Variants in CLIC5 observed in about 807,000 individuals in gnomAD.
CLIC5 encodes chloride intracellular channel protein 5.
Under a neutral mutation model 24.7 loss-of-function variants are expected in CLIC5, and 20 were observed. The observed-to-expected ratio is 0.81, with a 90% confidence interval of 0.57 to 1.18. The LOEUF (loss-of-function observed/expected upper bound fraction) is 1.18, where lower values mean the gene tolerates loss of function less well. Among genes scored for constraint, CLIC5 ranks in the 50% most tolerant of loss-of-function variants. The pLI is 0.00. For missense variants in CLIC5, 341 were observed against 326.1 expected (o/e 1.05, Z -0.35); for synonymous variants, 159 against 135.6 (o/e 1.17, Z -1.20).
chr6:46,113,546 T>C, the CLIC5 span, among the ~76,000 whole-genome samples: 1 of 152,170 alleles, frequency 6.6e-6, no homozygotes, highest in Non-Finnish European at 1.5e-5. Flanking sequence ...AGCAGTTATA[T>C]GACACCGGCC....
intron 1 of CLIC5, among the ~76,000 whole-genome samples, chr6:45,969,855 G>A (rs564686677): frequency 1.5e-4 from 20 of 135,832 alleles, no homozygotes; most frequent in Admixed American, 5.8e-4. Flanking sequence ...AAGACAGAAA[G>A]CCACACTCCT....
the CLIC5 span, among the ~76,000 whole-genome samples, chr6:46,114,576 G>A: frequency 6.6e-6 from 1 of 152,138 alleles, no homozygotes; most frequent in Non-Finnish European, 1.5e-5. Flanking sequence ...CTCTGATCCT[G>A]TGTAGCATGT....
the CLIC5 span, among the ~76,000 whole-genome samples, chr6:46,105,956 C>A: frequency 9.2e-5 from 14 of 152,152 alleles, no homozygotes; most frequent in Non-Finnish European, 1.6e-4. Context: ...GAGTGCTCAC[C>A]ACAGAGGGAT....
At chr6:46,062,525 C>T (rs1213020410) in intron 1 of CLIC5, among the ~76,000 whole-genome samples, 1 of 152,324 alleles carries the variant, frequency 6.6e-6, no homozygotes, top group East Asian at 1.9e-4. Context: ...CCCCCAGGCT[C>T]GTGAAGGGAG....
chr6:45,947,470 C>G (rs898548664), intron 3 of CLIC5, among the ~76,000 whole-genome samples: 1 of 152,070 alleles, frequency 6.6e-6, no homozygotes, highest in African/African-American at 2.4e-5. Context: ...TGTACCCCAG[C>G]CCCTCACCCC....
At chr6:45,908,871 G>A (rs1220981909) in intron 5 of CLIC5, among the ~76,000 whole-genome samples, 1 of 152,132 alleles carries the variant, frequency 6.6e-6, no homozygotes, top group Non-Finnish European at 1.5e-5. Flanking sequence ...TTAGTGAGTT[G>A]TTGAAGTCCC....
At chr6:46,044,949 C>T (rs974698411) in intron 1 of CLIC5, among the ~76,000 whole-genome samples, 3 of 152,048 alleles carry the variant, frequency 2.0e-5, no homozygotes, top group Admixed American at 6.6e-5. Context: ...TGTTTGAGGC[C>T]TTCATTCTTG....
At chr6:46,094,043 A>C in the CLIC5 span, among the ~76,000 whole-genome samples, 1 of 152,170 alleles carries the variant, frequency 6.6e-6, no homozygotes, top group East Asian at 1.9e-4. Flanking sequence ...CATGGCAGGG[A>C]AAGTACCAAA....
At chr6:45,974,544 G>T (rs1169855040) in intron 1 of CLIC5, among the ~76,000 whole-genome samples, 10 of 143,584 alleles carry the variant, frequency 7.0e-5, no homozygotes, top group South Asian at 4.7e-4. Flanking sequence ...GAGAGAGAGA[G>T]AGAGAGAGAG....
At chr6:46,004,826 C>G (rs1182413721) in intron 1 of CLIC5, among the ~76,000 whole-genome samples, 1 of 152,170 alleles carries the variant, frequency 6.6e-6, no homozygotes, top group African/African-American at 2.4e-5. Context: ...CTGCCCAGAA[C>G]CTTCAATTCC....
chr6:46,117,916 G>A, the CLIC5 span, among the ~76,000 whole-genome samples: 5 of 152,076 alleles, frequency 3.3e-5, no homozygotes, highest in Non-Finnish European at 7.4e-5. Flanking sequence ...TTAACAAAGG[G>A]TGTATTCTGG....
chr6:46,055,944 G>A (rs1274903339), intron 1 of CLIC5, among the ~76,000 whole-genome samples: 1 of 152,168 alleles, frequency 6.6e-6, no homozygotes, highest in African/African-American at 2.4e-5. Flanking sequence ...GGTGAATGGG[G>A]AGTGACTGTT....
intron 6 of CLIC5, among the ~76,000 whole-genome samples, chr6:45,885,225 A>G (rs908751776): frequency 7.2e-5 from 11 of 152,078 alleles, no homozygotes; most frequent in Non-Finnish European, 1.5e-4. Flanking sequence ...TTCAAAAGCG[A>G]TCTCACAGAG....
At chr6:45,952,664 A>T (rs1764510941) in intron 2 of CLIC5, among the ~76,000 whole-genome samples, 1 of 152,182 alleles carries the variant, frequency 6.6e-6, no homozygotes, top group Non-Finnish European at 1.5e-5. Flanking sequence ...AAGTTTCCTT[A>T]TCTGTAAAAA....
chr6:45,916,070 C>T (rs1763019769), intron 4 of CLIC5, among the ~76,000 whole-genome samples: 1 of 152,228 alleles, frequency 6.6e-6, no homozygotes, highest in African/African-American at 2.4e-5. Flanking sequence ...CCACTCCTCT[C>T]ATAACCCACT....
chr6:46,116,572 T>C, the CLIC5 span, among the ~76,000 whole-genome samples: 2 of 152,198 alleles, frequency 1.3e-5, no homozygotes, highest in Admixed American at 1.3e-4. Context: ...ATCTGACACA[T>C]GTTAAGTGTT....
At chr6:46,065,103 G>A (rs902078561) in intron 1 of CLIC5, among the ~76,000 whole-genome samples, 1 of 152,038 alleles carries the variant, frequency 6.6e-6, no homozygotes, top group African/African-American at 2.4e-5. Context: ...AAAATAATAA[G>A]CAAAATATTT....
At chr6:46,108,313 T>C in the CLIC5 span, among the ~76,000 whole-genome samples, 1 of 151,874 alleles carries the variant, frequency 6.6e-6, no homozygotes, top group Non-Finnish European at 1.5e-5. Flanking sequence ...ACATTTTATA[T>C]AAACTGCAAA....
chr6:46,053,875 A>G (rs962182418), intron 1 of CLIC5, among the ~76,000 whole-genome samples: 1 of 152,150 alleles, frequency 6.6e-6, no homozygotes, highest in African/African-American at 2.4e-5. Flanking sequence ...TTGACCATTT[A>G]CAACCTCTGA....
Sources: gnomAD v4.1 joint callset for allele counts (sites outside exome capture counted in the v4.1 genomes callset) on GRCh38, gnomAD v4.1.1 for gene constraint, MANE v1.5 for transcripts, NCBI Gene and HGNC (gene_info 2026-07-23, HGNC 2026-07-21) for gene names.